Variants in SLC67A1 observed in about 807,000 individuals in gnomAD.
SLC67A1 encodes the protein solute carrier family 67 member 1, also known as solute carrier family 67 member A1.
chr11:2,925,217 T>C, the SLC67A1 span: 1 of 1,607,420 alleles, frequency 6.2e-7, no homozygotes, highest in Non-Finnish European at 8.5e-7. This position sits in a 1 kb window ranked among gnomAD's most constrained non-coding sequence, Gnocchi z 6.5. Context: ...AGACACAGAC[T>C]GGCAATAAAC....
chr11:2,907,092 TG>T, the SLC67A1 span, among the ~76,000 whole-genome samples: 10 of 134,034 alleles, frequency 7.5e-5, no homozygotes, highest in Admixed American at 4.6e-4. The surrounding 1 kb of genome is among the most constrained non-coding windows in gnomAD (Gnocchi z 6.7). Flanking sequence ...GGGTTGGGGA[TG>T]GGGGGGTTAC....
the SLC67A1 span, chr11:2,917,106 G>A: frequency 1.3e-3 from 360 of 273,408 alleles, no homozygotes; most frequent in African/African-American, 7.4e-3. Context: ...GCAAGGCTCC[G>A]GAAGCTCTGA....
the SLC67A1 span, among the ~76,000 whole-genome samples, chr11:2,917,220 G>C: frequency 6.6e-6 from 1 of 152,222 alleles, no homozygotes; most frequent in South Asian, 2.1e-4. Context: ...TCCTCAGAGG[G>C]GGTCCCCTCA....
At chr11:2,901,546 C>T in the SLC67A1 span, among the ~76,000 whole-genome samples, 7 of 152,226 alleles carry the variant, frequency 4.6e-5, no homozygotes, top group Non-Finnish European at 1.0e-4. Context: ...GAATGGTGCC[C>T]AGGCCAAGGG....
chr11:2,903,594 C>T, the SLC67A1 span: 46 of 1,295,384 alleles, frequency 3.6e-5, no homozygotes, highest in African/African-American at 4.6e-5. Context: ...GGGTTTCATG[C>T]TGCCAGGGCC....
At chr11:2,921,824 G>A in the SLC67A1 span, 45 of 432,248 alleles carry the variant, frequency 1.0e-4, no homozygotes, top group African/African-American at 8.0e-4. Flanking sequence ...CTGTCCCACC[G>A]AGCCCATCCC....
chr11:2,918,113 C>T, the SLC67A1 span: 3 of 1,593,080 alleles, frequency 1.9e-6, no homozygotes, highest in Non-Finnish European at 2.6e-6. Context: ...CCAACTACTG[C>T]CCCAACAGCG....
the SLC67A1 span, among the ~76,000 whole-genome samples, chr11:2,922,736 G>A: frequency 7.6e-5 from 11 of 144,710 alleles, 2 homozygotes; most frequent in Admixed American, 5.4e-4. Flanking sequence ...TGAGTAAGGT[G>A]GGGAGCCTGG....
At chr11:2,905,055 C>T in the SLC67A1 span, among the ~76,000 whole-genome samples, 2 of 152,116 alleles carry the variant, frequency 1.3e-5, no homozygotes, top group Non-Finnish European at 2.9e-5. Flanking sequence ...GAGGCATGGA[C>T]AGGAGGAGAG....
chr11:2,922,423 C>A, the SLC67A1 span: 1 of 1,608,692 alleles, frequency 6.2e-7, no homozygotes, highest in Non-Finnish European at 8.5e-7. Flanking sequence ...TCGGCCCCCG[C>A]CTGCCGTCCC....
At chr11:2,909,256 G>T in the SLC67A1 span, 54 of 1,537,102 alleles carry the variant, frequency 3.5e-5, no homozygotes, top group Non-Finnish European at 4.5e-5. Flanking sequence ...CTGCCTTGGC[G>T]CTCTACCTGC....
chr11:2,922,407 C>A, the SLC67A1 span: 3 of 1,604,626 alleles, frequency 1.9e-6, no homozygotes, highest in Middle Eastern at 3.3e-4. Context: ...GAGGCCCCCA[C>A]TCAGCTCGGC....
At chr11:2,909,754 C>T in the SLC67A1 span, 5 of 1,416,202 alleles carry the variant, frequency 3.5e-6, no homozygotes, top group Non-Finnish European at 2.8e-6. Context: ...TCAGGACGCC[C>T]GCGGCTGGGT....
chr11:2,912,938 C>A, the SLC67A1 span, among the ~76,000 whole-genome samples: 3 of 152,182 alleles, frequency 2.0e-5, no homozygotes, highest in African/African-American at 7.2e-5. Context: ...GCAGGACACC[C>A]CTGCCCAGCC....
chr11:2,917,233 G>C, the SLC67A1 span, among the ~76,000 whole-genome samples: 1 of 152,230 alleles, frequency 6.6e-6, no homozygotes, highest in Non-Finnish European at 1.5e-5. Context: ...TCCCCTCAAG[G>C]CTGGCCCCCT....
chr11:2,920,109 C>T, the SLC67A1 span: 4 of 152,194 alleles, frequency 2.6e-5, no homozygotes, highest in African/African-American at 4.8e-5. Flanking sequence ...TTCTGGGACC[C>T]GCCAGGGTGG....
the SLC67A1 span, among the ~76,000 whole-genome samples, chr11:2,911,730 T>TA: frequency 1.3e-5 from 2 of 152,300 alleles, no homozygotes; most frequent in South Asian, 4.1e-4. Flanking sequence ...GCTCAGGCAG[T>TA]AAGCCGTGGC....
chr11:2,900,131 T>A, the SLC67A1 span, among the ~76,000 whole-genome samples: 1 of 150,676 alleles, frequency 6.6e-6, no homozygotes, highest in South Asian at 2.1e-4. Flanking sequence ...ACCTGGGCTC[T>A]CGGCTTGACT....
the SLC67A1 span, chr11:2,922,248 G>A: frequency 1.3e-6 from 2 of 1,571,058 alleles, no homozygotes; most frequent in Non-Finnish European, 1.8e-6. Context: ...CCCTCTCACT[G>A]GGCAAGGCCA....
Sources: allele counts gnomAD v4.1 joint callset (sites outside exome capture counted in the v4.1 genomes callset), GRCh38; gene constraint gnomAD v4.1.1; non-coding constraint Gnocchi (gnomAD v3.1); transcripts MANE v1.5; gene names NCBI Gene and HGNC (gene_info 2026-07-23, HGNC 2026-07-21).